The following DAAM1 variants were observed in gnomAD, a reference collection of about 807,000 sequenced individuals.
DAAM1 encodes the protein dishevelled associated activator of morphogenesis 1.
DAAM1 carries 52 observed loss-of-function variants against 130.0 expected under a neutral mutation model. The observed-to-expected ratio is 0.40, with a 90% CI of 0.32 to 0.50. The LOEUF is 0.50. Among genes scored for constraint, DAAM1 ranks in the 20% least tolerant of loss-of-function variants. The pLI, the probability that DAAM1 is intolerant of heterozygous loss-of-function variation, is 0.61. For missense variants in DAAM1, 1,134 were observed against 1,303.8 expected (o/e 0.87, Z 2.01); for synonymous variants, 452 against 444.5 (o/e 1.02, Z -0.21).
intron 1 of DAAM1, among the ~76,000 whole-genome samples, chr14:59,190,551 T>A (rs1016202559): frequency 3.9e-5 from 6 of 152,164 alleles, no homozygotes; most frequent in African/African-American, 1.2e-4. Flanking sequence ...CAGTCCCTTG[T>A]GGTTCTCATA....
intron 1 of DAAM1, among the ~76,000 whole-genome samples, chr14:59,194,858 A>C (rs1274333122): frequency 6.6e-6 from 1 of 152,250 alleles, no homozygotes; most frequent in Non-Finnish European, 1.5e-5. Context: ...CAGGGAAGCA[A>C]GTTCAATTTC....
intron 2 of DAAM1, among the ~76,000 whole-genome samples, chr14:59,280,535 C>CTTTTTTTTTTTTTTTTTTTTTTT (rs35354608): frequency 2.2e-5 from 2 of 90,658 alleles, no homozygotes; most frequent in African/African-American, 4.2e-5. Context: ...GCACACCTTC[C>CTTTTTTTTTTTTTTTTTTTTTTT]TTTTTTTTTT....
chr14:59,224,342 A>G (rs1888870064), intron 1 of DAAM1, among the ~76,000 whole-genome samples: 2 of 152,224 alleles, frequency 1.3e-5, no homozygotes, highest in African/African-American at 2.4e-5. Context: ...ATTGGAAGAT[A>G]TGGTGGGAAT....
At chr14:59,239,934 C>T (rs762444279) in intron 1 of DAAM1, among the ~76,000 whole-genome samples, 52 of 152,168 alleles carry the variant, frequency 3.4e-4, no homozygotes, top group Admixed American at 2.3e-3. Flanking sequence ...ATTTAAGACT[C>T]CTGGAAAGTC....
intron 2 of DAAM1, among the ~76,000 whole-genome samples, chr14:59,268,442 T>C (rs565211765): frequency 6.6e-6 from 1 of 152,270 alleles, no homozygotes; most frequent in Non-Finnish European, 1.5e-5. Flanking sequence ...GACTGCACCA[T>C]TTTACATCTC....
At chr14:59,289,767 GATATAT>G in intron 2 of DAAM1, among the ~76,000 whole-genome samples, 47,433 of 110,212 alleles carry the variant, frequency 0.43, 11,135 homozygotes, top group East Asian at 0.63. Flanking sequence ...AACAAAATGT[GATATAT>G]ATATATATAT....
At chr14:59,357,686 G>A (rs1481463041) in intron 20 of DAAM1, among the ~76,000 whole-genome samples, 2 of 152,128 alleles carry the variant, frequency 1.3e-5, no homozygotes, top group African/African-American at 4.8e-5. Flanking sequence ...GCTGGAGCAG[G>A]AGAATCGCTT....
intron 1 of DAAM1, among the ~76,000 whole-genome samples, chr14:59,202,857 C>CTTCT (rs1888149676): frequency 1.3e-5 from 2 of 152,320 alleles, no homozygotes; most frequent in South Asian, 4.1e-4. Context: ...ATGGTCAAAT[C>CTTCT]TTCTACCTCC....
At chr14:59,215,488 G>C (rs1192284598) in intron 1 of DAAM1, among the ~76,000 whole-genome samples, 2 of 152,232 alleles carry the variant, frequency 1.3e-5, no homozygotes, top group Non-Finnish European at 2.9e-5. Flanking sequence ...CAGCTGGCTT[G>C]GGCTGTTGGC....
At chr14:59,252,550 C>G (rs1881694148) in intron 1 of DAAM1, among the ~76,000 whole-genome samples, 1 of 152,164 alleles carries the variant, frequency 6.6e-6, no homozygotes, top group South Asian at 2.1e-4. Flanking sequence ...CCTGCAGAGC[C>G]CTTGATTTAG....
intron 21 of DAAM1, among the ~76,000 whole-genome samples, chr14:59,360,380 A>T (rs1886657626): frequency 3.3e-5 from 5 of 152,250 alleles, no homozygotes; most frequent in African/African-American, 7.2e-5. Context: ...GCCTTAGTGA[A>T]AAGCAGAACA....
chr14:59,268,961 G>A (rs968604399), intron 2 of DAAM1, among the ~76,000 whole-genome samples: 1 of 152,056 alleles, frequency 6.6e-6, no homozygotes, highest in East Asian at 1.9e-4. Flanking sequence ...TCTATAAATC[G>A]TCCTTATTCA....
At chr14:59,288,908 TG>T (rs1883589168) in intron 2 of DAAM1, among the ~76,000 whole-genome samples, 1 of 150,358 alleles carries the variant, frequency 6.7e-6, no homozygotes, top group Non-Finnish European at 1.5e-5. Flanking sequence ...TTTGTTTGTT[TG>T]TTTTTTTGTT....
chr14:59,319,295 A>G (rs909942466), intron 4 of DAAM1, among the ~76,000 whole-genome samples: 22 of 152,220 alleles, frequency 1.4e-4, no homozygotes, highest in African/African-American at 7.2e-5. Context: ...GTTGCCATAA[A>G]TGATACTGAT....
At chr14:59,359,950 C>T (rs572607623) in intron 21 of DAAM1, among the ~76,000 whole-genome samples, 126 of 152,274 alleles carry the variant, frequency 8.3e-4, no homozygotes, top group Non-Finnish European at 1.4e-3. Flanking sequence ...TTACCACAAA[C>T]TTCACACCAC....
intron 1 of DAAM1, among the ~76,000 whole-genome samples, chr14:59,212,299 T>A (rs1888449187): frequency 1.3e-5 from 2 of 151,278 alleles, no homozygotes; most frequent in African/African-American, 2.4e-5. Context: ...GAAGTCAGAC[T>A]TGTTTGTTTG....
intron 1 of DAAM1, among the ~76,000 whole-genome samples, chr14:59,244,361 T>A (rs977791106): frequency 2.6e-5 from 4 of 152,082 alleles, no homozygotes; most frequent in African/African-American, 9.7e-5. Flanking sequence ...GAAGATGAGA[T>A]GGAAAAACAG....
chr14:59,326,788 C>A, intron 11 of DAAM1, 140 bp downstream of exon 11: 1 of 1,493,184 alleles, frequency 6.7e-7, no homozygotes, highest in Non-Finnish European at 9.1e-7. Context: ...TGCACTATAG[C>A]TAAGTAACAT....
intron 1 of DAAM1, among the ~76,000 whole-genome samples, chr14:59,259,172 C>T (rs556218362): frequency 6.6e-6 from 1 of 152,250 alleles, no homozygotes; most frequent in African/African-American, 2.4e-5. Flanking sequence ...TCTGTAAATA[C>T]TTTGATTGTA....
Sources: gnomAD v4.1 joint callset for allele counts (sites outside exome capture counted in the v4.1 genomes callset) on GRCh38, gnomAD v4.1.1 for gene constraint, MANE v1.5 for transcripts, NCBI Gene and HGNC (gene_info 2026-07-23, HGNC 2026-07-21) for gene names.